The following ZNF407 variants were observed in gnomAD, a reference collection of about 807,000 sequenced individuals.
ZNF407 encodes the protein zinc finger protein 407.
In ZNF407, 17 loss-of-function variants were observed where a neutral mutation model predicts 131.2. The observed-to-expected ratio is 0.13, with a 90% CI of 0.09 to 0.19. The LOEUF (loss-of-function observed/expected upper bound fraction) is 0.19, where lower values mean the gene tolerates loss of function less well. ZNF407 is among the 10% of genes least tolerant of loss of function. ZNF407 has a pLI of 1.00. For synonymous variants in ZNF407, 1,156 were observed against 1,062.0 expected (o/e 1.09, Z -1.72); for missense variants, 2,681 against 2,830.6 (o/e 0.95, Z 1.20).
intron 7 of ZNF407, 22 bp downstream of exon 7, chr18:74,890,060 G>A: frequency 6.7e-7 from 1 of 1,499,086 alleles, no homozygotes; most frequent in Non-Finnish European, 8.9e-7. Flanking sequence ...TCACTGAGCA[G>A]TCAAATCAGG....
intron 3 of ZNF407, among the ~76,000 whole-genome samples, chr18:74,681,959 G>A (rs1345278665): frequency 6.6e-6 from 1 of 152,156 alleles, no homozygotes; most frequent in African/African-American, 2.4e-5. Context: ...CCTTTCTTAT[G>A]ATAGAACCGT....
rs762435320 is a variant in ZNF407, at chr18:75,064,070, G to T, written c.6349G>T (p.Ala2117Ser). Residue 2117 changes from alanine (A) to serine (S), a missense_variant, in exon 9 of 9, where the codon GCC (alanine) becomes TCC (serine). Ala to Ser is a moderately conservative substitution (Grantham distance 99). This residue lies in a region of ZNF407 where 620 missense variants were observed against 583.1 expected (regional missense o/e 1.06). Coordinates refer to ENST00000299687, the MANE Select transcript of ZNF407 (RefSeq NM_017757.3). ...CGAAGAGGGTGCCGTCCACATGGTC[G>T]CCGGGGAGGGTGCCCAGATCATCAT... ...VSEEGAVHMV[A>S]GEGAQIIMQE... The T allele has an allele frequency of 4.4e-6, 7 of 1,588,770 alleles. No homozygotes were observed. Among genetic ancestry groups the T allele is most frequent in the Admixed American group, 1.8e-5 (1 of 55,890 alleles).
At position 74,879,553 on chromosome 18, in the gene ZNF407, T is replaced by A. The variant is rs1971210229; in HGVS notation, c.5045-1483T>A. ...TTGATAATACAGCTAGTTAGAAAGA[T>A]TTATTTCAAATTGATTAAATAATTA... On this transcript the variant is annotated intron_variant, in intron 5 of 8. Coordinates refer to ENST00000299687, the MANE Select transcript of ZNF407 (RefSeq NM_017757.3). Among the ~76,000 whole-genome samples the A allele has an allele frequency of 2.0e-5, 3 of 152,348 alleles. No homozygotes were observed. The South Asian group carries it at 6.2e-4, about 32-fold the overall frequency.
intron 4 of ZNF407, among the ~76,000 whole-genome samples, chr18:74,844,402 AT>A (rs1970675270): frequency 6.6e-6 from 1 of 152,230 alleles, no homozygotes; most frequent in Non-Finnish European, 1.5e-5. Context: ...CACAAATTGC[AT>A]TTTGTTCTCC....
At chr18:74,708,962 C>T (rs1426184043) in intron 3 of ZNF407, among the ~76,000 whole-genome samples, 1 of 152,132 alleles carries the variant, frequency 6.6e-6, no homozygotes, top group Non-Finnish European at 1.5e-5. Flanking sequence ...GATAATCGTC[C>T]CCTATGATTT....
At chr18:74,808,197 G>A (rs1970142063) in intron 4 of ZNF407, among the ~76,000 whole-genome samples, 1 of 152,136 alleles carries the variant, frequency 6.6e-6, no homozygotes, top group South Asian at 2.1e-4. Context: ...ATTTTTAGTA[G>A]AGACAGGGGT....
At chr18:74,858,662 T>G (rs1157219030) in intron 4 of ZNF407, among the ~76,000 whole-genome samples, 11 of 152,218 alleles carry the variant, frequency 7.2e-5, no homozygotes, top group Admixed American at 3.9e-4. Context: ...TGTTCAGTCA[T>G]CTTCCACTTT....
At chr18:74,990,324 A>G (rs1972704023) in intron 8 of ZNF407, among the ~76,000 whole-genome samples, 1 of 152,214 alleles carries the variant, frequency 6.6e-6, no homozygotes, top group Non-Finnish European at 1.5e-5. Flanking sequence ...GGCTTTGGTT[A>G]AGTTGGACAA....
intron 3 of ZNF407, among the ~76,000 whole-genome samples, chr18:74,758,826 C>T (rs1418372526): frequency 6.6e-6 from 1 of 152,104 alleles, no homozygotes; most frequent in Non-Finnish European, 1.5e-5. Context: ...ATGATCCGCC[C>T]ACCTTGACTT....
At chr18:74,614,319 C>T (rs955585266) in intron 1 of ZNF407, among the ~76,000 whole-genome samples, 1 of 152,084 alleles carries the variant, frequency 6.6e-6, no homozygotes. Flanking sequence ...ACTGTAACAA[C>T]CTAGGATTTC....
intron 1 of ZNF407, among the ~76,000 whole-genome samples, chr18:74,610,710 G>A (rs902743033): frequency 3.3e-5 from 5 of 151,886 alleles, no homozygotes; most frequent in Non-Finnish European, 7.4e-5. Flanking sequence ...TACCACACCG[G>A]GCTAATTTCT....
chr18:74,686,300 C>G (rs1967095627), intron 3 of ZNF407, among the ~76,000 whole-genome samples: 1 of 152,172 alleles, frequency 6.6e-6, no homozygotes, highest in Non-Finnish European at 1.5e-5. Flanking sequence ...TTGTCATATT[C>G]TCTCAAATCT....
At chr18:74,661,528 A>C (rs1316462509) in intron 3 of ZNF407, among the ~76,000 whole-genome samples, 3 of 151,682 alleles carry the variant, frequency 2.0e-5, no homozygotes, top group Non-Finnish European at 4.4e-5. Flanking sequence ...TGAGAAATAT[A>C]ATTTTTATGT....
intron 3 of ZNF407, among the ~76,000 whole-genome samples, chr18:74,657,247 A>G (rs1393715360): frequency 1.3e-5 from 2 of 152,092 alleles, no homozygotes; most frequent in Non-Finnish European, 2.9e-5. Flanking sequence ...TATTTTTTGT[A>G]TAATTATGAA....
intron 3 of ZNF407, among the ~76,000 whole-genome samples, chr18:74,746,425 T>C (rs936595886): frequency 6.6e-6 from 1 of 152,186 alleles, no homozygotes; most frequent in Admixed American, 6.5e-5. Flanking sequence ...TTATGAACTA[T>C]TTTTTAAAGT....
At chr18:74,666,898 G>C (rs550903439) in intron 3 of ZNF407, among the ~76,000 whole-genome samples, 8 of 46,854 alleles carry the variant, frequency 1.7e-4, no homozygotes, top group South Asian at 7.3e-4. Flanking sequence ...TAGAGGTCCT[G>C]TTTTTGGTCA....
chr18:74,760,718 G>A (rs1293649972), intron 3 of ZNF407, among the ~76,000 whole-genome samples: 2 of 152,074 alleles, frequency 1.3e-5, no homozygotes, highest in Non-Finnish European at 2.9e-5. Context: ...TGAGGTCTTT[G>A]GTGAGTTCCT....
chr18:74,873,564 T>C (rs928302339), intron 4 of ZNF407, among the ~76,000 whole-genome samples: 3 of 152,168 alleles, frequency 2.0e-5, no homozygotes, highest in Admixed American at 1.3e-4. Flanking sequence ...GAACCCCTTA[T>C]TTAATTTAGA....
At position 75,063,815 on chromosome 18, in the gene ZNF407, G is replaced by A. The variant is rs201788934; in HGVS notation, c.6094G>A (p.Ala2032Thr). The A allele has an allele frequency of 6.8e-6, 11 of 1,607,714 alleles. No individual in the cohort carries two copies. In the African/African-American group the frequency reaches 1.5e-4, roughly 21 times the overall value. ...GCCCGGGCAGGAGGTCTCCCATGTG[G>A]CTGCCGACCCCGAGGCCCCCGAGAT... ...QLPGQEVSHVAADPEAPEIQM... is the reference protein window; with the variant it reads ...QLPGQEVSHVTADPEAPEIQM... The change falls in exon 9 of 9, where the codon GCT becomes ACT. Residue 2032 changes from alanine to threonine, a missense_variant. Ala to Thr is a moderately conservative substitution (Grantham distance 58). Transcript: ENST00000299687. This position sits in a 1 kb window ranked among gnomAD's most constrained non-coding sequence, Gnocchi z 6.6.
Sources: allele counts gnomAD v4.1 joint callset (sites outside exome capture counted in the v4.1 genomes callset), GRCh38; gene constraint gnomAD v4.1.1; regional missense constraint gnomAD v4.1.1; non-coding constraint Gnocchi (gnomAD v3.1); transcripts MANE v1.5; gene names NCBI Gene and HGNC (gene_info 2026-07-23, HGNC 2026-07-21).